CUBN: variants seen among roughly 807,000 people sequenced by gnomAD.
The protein encoded by CUBN is 460 kDa receptor.
CUBN carries 282 observed loss-of-function variants against 405.3 expected under a neutral mutation model. That is an observed-to-expected ratio of 0.70 (90% confidence interval 0.63 to 0.77). CUBN has a LOEUF of 0.77. Ranked by LOEUF, CUBN falls within the 30% of genes least tolerant of loss-of-function variation. The pLI is 0.00. For synonymous variants in CUBN, 1,684 were observed against 1,617.0 expected (o/e 1.04, Z -0.99); for missense variants, 4,514 against 4,475.2 (o/e 1.01, Z -0.25).
chr10:17,088,102 G>C (rs1251938616), intron 15 of CUBN, 62 bp downstream of exon 15: 4 of 1,371,020 alleles, frequency 2.9e-6, no homozygotes, highest in Non-Finnish European at 4.1e-6. Flanking sequence ...GGCATGGCTA[G>C]ACCATAGTGC....
chr10:17,111,229 A>G (rs1301354007), intron 8 of CUBN, among the ~76,000 whole-genome samples, 179 bp from the exon 9 acceptor site: 2 of 152,216 alleles, frequency 1.3e-5, no homozygotes, highest in Admixed American at 1.3e-4. Flanking sequence ...CTGACAACAA[A>G]GTGGGCAAAT....
At chr10:17,061,173 T>C (rs1835497638) in intron 22 of CUBN, among the ~76,000 whole-genome samples, 1 of 152,168 alleles carries the variant, frequency 6.6e-6, no homozygotes, top group Admixed American at 6.5e-5. Context: ...CCCTACAGCA[T>C]CCCCTTTCCC....
chr10:16,933,586 C>T (rs1387570580), intron 39 of CUBN, among the ~76,000 whole-genome samples: 1 of 152,160 alleles, frequency 6.6e-6, no homozygotes, highest in East Asian at 1.9e-4. Context: ...AGAGGATCCC[C>T]TGTATTACTG....
chr10:17,023,765 C>A (rs895763586), intron 27 of CUBN: 25 of 340,212 alleles, frequency 7.3e-5, no homozygotes, highest in Middle Eastern at 9.1e-4. Context: ...AGAAAGATTG[C>A]GATTCTCACC....
At chr10:17,008,354 G>GTGTGGT (rs200522247) in intron 28 of CUBN, among the ~76,000 whole-genome samples, 1 of 125,356 alleles carries the variant, frequency 8.0e-6, no homozygotes, top group African/African-American at 3.0e-5. Context: ...GTGTGTGTGT[G>GTGTGGT]GTGTGTGTGT....
chr10:16,838,954 T>C (rs148962107), intron 62 of CUBN, among the ~76,000 whole-genome samples: 1,658 of 152,270 alleles, frequency 0.011, 30 homozygotes, highest in African/African-American at 0.037. Context: ...CCCTTTTCTT[T>C]TTATCTCTCT....
chr10:16,892,340 G>GA lies in CUBN; in HGVS notation c.8599-1814dup, dbSNP rs1053284597. On this transcript the variant is annotated intron_variant, in intron 54 of 66. Transcript: ENST00000377833. The stretch of plus-strand genomic sequence containing the variant: ...TGCCTAAGATCAATAAAAATGTCAG[G>GA]AAAAAAAATGCACCTACTCAATTTT... 7.3e-5 allele frequency among the ~76,000 whole-genome samples: 11 copies of GA among 151,366 alleles called. No homozygotes were observed. The South Asian group carries it at 1.5e-3, about 20-fold the overall frequency.
chr10:16,965,600 A>C (rs1424261722), intron 31 of CUBN: 2 of 151,772 alleles, frequency 1.3e-5, no homozygotes, highest in East Asian at 3.8e-4. Flanking sequence ...AAACAGGAAT[A>C]TATTCCCTGA....
intron 51 of CUBN, 130 bp downstream of exon 51, chr10:16,903,836 T>C: frequency 1.9e-6 from 1 of 524,956 alleles, no homozygotes; most frequent in South Asian, 5.6e-5. Context: ...TTAGAAAATC[T>C]CATTGATAAT....
chr10:17,000,346 T>C (rs577344895), intron 28 of CUBN, among the ~76,000 whole-genome samples: 12 of 152,176 alleles, frequency 7.9e-5, no homozygotes, highest in Non-Finnish European at 1.2e-4. Context: ...ACTTTATAAA[T>C]GAGTAATAAA....
chr10:16,969,222 A>G (rs551366099), intron 31 of CUBN, among the ~76,000 whole-genome samples: 2 of 149,934 alleles, frequency 1.3e-5, no homozygotes, highest in South Asian at 4.3e-4. Context: ...GCATTGCAGG[A>G]GCAGAGATGA....
rs1836834304 is a variant in CUBN at position 17,114,195 on chromosome 10, A to C, written c.721-6T>G. 3.7e-6 allele frequency: 6 copies of C among 1,613,676 alleles called. No homozygotes were observed. The highest frequency in any genetic ancestry group is 5.1e-6 in the Non-Finnish European group (6 of 1,179,848). ...CAGACGCAGCTGTACTTGGGCTGGC[A>C]GGATGACAACAGCGTGAATAAAGAC... On this transcript the variant is annotated splice_polypyrimidine_tract_variant and splice_region_variant and intron_variant, in intron 7 of 66. Coordinates refer to ENST00000377833, the MANE Select transcript of CUBN (RefSeq NM_001081.4).
chr10:16,839,960 G>C (rs1042634941), intron 62 of CUBN, among the ~76,000 whole-genome samples: 1 of 151,528 alleles, frequency 6.6e-6, no homozygotes, highest in Non-Finnish European at 1.5e-5. Context: ...GCAAACTATC[G>C]CAAGGACAAA....
chr10:17,080,495 G>A (rs539487244), intron 17 of CUBN, among the ~76,000 whole-genome samples: 11 of 152,136 alleles, frequency 7.2e-5, no homozygotes, highest in Non-Finnish European at 1.2e-4. Flanking sequence ...ACAACTTCTC[G>A]AAAGCCCTTC....
At chr10:16,944,316 T>A (rs1407216872) in intron 36 of CUBN, among the ~76,000 whole-genome samples, 2 of 152,190 alleles carry the variant, frequency 1.3e-5, no homozygotes, top group African/African-American at 4.8e-5. Context: ...ATATTCACAT[T>A]TTTGGTCATA....
chr10:17,110,613 C>T (rs576918152), intron 9 of CUBN, among the ~76,000 whole-genome samples: 5 of 152,064 alleles, frequency 3.3e-5, no homozygotes, highest in African/African-American at 4.8e-5. Context: ...CTGCAATCTC[C>T]GCTTCCCAGG....
Position 16,888,556 on chromosome 10 carries a change from A to G in CUBN, c.8766T>C (p.Ser2922=). ...TGTAACCTGAAGGGCCAGTGAAATT[A>G]CTTCCACATCCTATGTGGGAACAAA... The part of the protein sequence containing the change: ...FSASFVSRCG[S]NFTGPSGYII... The change falls in exon 56 of 67, where the codon AGT becomes AGC. Residue 2922 remains serine (S), a synonymous_variant. Coordinates refer to ENST00000377833, the MANE Select transcript of CUBN (RefSeq NM_001081.4). The G allele has an allele frequency of 5.0e-6, 8 of 1,613,604 alleles. No individual in the cohort carries two copies. Among genetic ancestry groups the G allele is most frequent in the Non-Finnish European group, 6.8e-6 (8 of 1,179,640 alleles).
chr10:16,963,635 A>C (rs558422258), intron 31 of CUBN, among the ~76,000 whole-genome samples: 8 of 152,232 alleles, frequency 5.3e-5, no homozygotes, highest in Non-Finnish European at 1.2e-4. Flanking sequence ...GCTAAGGAAA[A>C]ATATTGCAAG....
intron 60 of CUBN, among the ~76,000 whole-genome samples, chr10:16,842,846 A>C (rs1245555235): frequency 6.6e-6 from 1 of 152,090 alleles, no homozygotes; most frequent in East Asian, 1.9e-4. Flanking sequence ...TGCTAGCTGC[A>C]CTTCCTTCAT....
Sources: gnomAD v4.1 joint callset for allele counts (sites outside exome capture counted in the v4.1 genomes callset) on GRCh38, gnomAD v4.1.1 for gene constraint, MANE v1.5 for transcripts, NCBI Gene and HGNC (gene_info 2026-07-23, HGNC 2026-07-21) for gene names.